The following BEND7 variants were observed in gnomAD, a reference collection of about 807,000 sequenced individuals.
BEND7 encodes the protein BEN domain-containing protein 7.
A neutral mutation model predicts 50.9 loss-of-function variants in BEND7; 28 were observed. The observed-to-expected ratio is 0.55, with a 90% CI of 0.41 to 0.75. The LOEUF (loss-of-function observed/expected upper bound fraction) is 0.75, where lower values mean the gene tolerates loss of function less well. Ranked by LOEUF, BEND7 falls within the 30% of genes least tolerant of loss-of-function variation. The pLI, the probability that BEND7 is intolerant of heterozygous loss-of-function variation, is 0.00. For missense variants in BEND7, 477 were observed against 491.3 expected, an observed-to-expected ratio of 0.97 and a Z score of 0.28; for synonymous variants, 170 against 183.9, an observed-to-expected ratio of 0.92 and a Z score of 0.61.
In BEND7 at chr10:13,523,886, C is replaced by T. The variant is rs116773196; in HGVS notation, c.145+2252G>A. On this transcript the variant is annotated intron_variant, in intron 2 of 8. Transcript: ENST00000466271. The stretch of plus-strand genomic sequence containing the variant: ...TATTTGGGAACCAACTACATGATGA[C>T]CCAAGAATGAGCAAAAGATTGAAAA... 7.3e-3 allele frequency among the ~76,000 whole-genome samples: 1,104 copies of T among 152,248 alleles called. 16 individuals are homozygous for T. Among genetic ancestry groups the T allele is most frequent in the African/African-American group, 0.025 (1,018 of 41,528 alleles).
In BEND7 at chr10:13,528,575, AGCGGCGGCAGC is replaced by A; in HGVS notation, c.-53_-43del. On this transcript the variant is annotated 5_prime_UTR_variant, in exon 1 of 9. Transcript: ENST00000466271. ...CGGCGGGGGCTGAGGAGGCGGCGGC[AGCGGCGGCAGC>A]GGCAGCGGCGGCAGCGGCAGCGGCG... The A allele has an allele frequency of 1.4e-4, 3 of 21,588 alleles. No homozygotes were observed. Among genetic ancestry groups the A allele is most frequent in the Non-Finnish European group, 1.5e-4 (3 of 19,546 alleles). The allele number at this position is 21,588 out of a possible 1,614,324, so 1.3% of individuals were successfully genotyped here.
In BEND7 at chr10:13,445,916, G is replaced by A. The variant is rs533968500; in HGVS notation, c.1234+1350C>T. On this transcript the variant is annotated intron_variant, in intron 8 of 8. Coordinates refer to ENST00000466271, the MANE Select transcript of BEND7 (RefSeq NM_001369863.1). Reference sequence around the variant, plus strand: ...GTGCTCCCCTGAAGGGCCTTCTGAAGGCTAGGTCTATTACGATTAGGATTT... The same window carrying A: ...GTGCTCCCCTGAAGGGCCTTCTGAAAGCTAGGTCTATTACGATTAGGATTT... 7 of 152,350 alleles carry A rather than the reference G, an allele frequency of 4.6e-5. No homozygotes were observed. In the South Asian group the frequency reaches 6.2e-4, roughly 14 times the overall value. The allele number at this position is 152,350 out of a possible 1,614,324, so 9.4% of individuals were successfully genotyped here.
chr10:13,463,261 A>G (rs139883757), intron 6 of BEND7, among the ~76,000 whole-genome samples: 251 of 152,368 alleles, frequency 1.6e-3, no homozygotes, highest in African/African-American at 5.8e-3. Context: ...CAGCCCATTT[A>G]TGGGTTAGAA....
At chr10:13,502,045 A>G (rs1179673670) in intron 2 of BEND7, among the ~76,000 whole-genome samples, 1 of 144,450 alleles carries the variant, frequency 6.9e-6, no homozygotes, top group African/African-American at 2.4e-5. Context: ...TGATCAATAT[A>G]TGTATATATA....
chr10:13,458,597 CAAATCAAGGTTTACATCATGCATGG>C (rs777322753), intron 6 of BEND7, among the ~76,000 whole-genome samples: 5 of 152,194 alleles, frequency 3.3e-5, no homozygotes, highest in African/African-American at 9.7e-5. Flanking sequence ...AACTTGTGAT[CAAATCAAGGTTTACATCATGCATGG>C]AAATCAAGGT....
Position 13,528,643 on chromosome 10 carries a change from C to A in BEND7, c.-110G>T. On this transcript the variant is annotated 5_prime_UTR_variant, in exon 1 of 9. Transcript: ENST00000466271. ...GCTCGTGTCACCGCGGCGGAGCCGCCGGGACCAAGGTCCGCGCCTGGAGTC... is the reference window on the plus strand; with the variant it reads ...GCTCGTGTCACCGCGGCGGAGCCGCAGGGACCAAGGTCCGCGCCTGGAGTC... 1.9e-6 allele frequency: 1 copy of A among 539,474 alleles called. No homozygotes were observed. The highest frequency in any genetic ancestry group is 2.4e-6 in the Non-Finnish European group (1 of 424,664). 33.4% of individuals were successfully genotyped at this position (539,474 alleles called of 1,614,324 possible). A position where few individuals can be genotyped will look rare whatever the true frequency, so the allele number is the denominator to read the frequency against.
intron 6 of BEND7, among the ~76,000 whole-genome samples, chr10:13,476,020 A>G (rs1464952841): frequency 6.6e-6 from 1 of 152,238 alleles, no homozygotes; most frequent in African/African-American, 2.4e-5. Flanking sequence ...GTTACTATCA[A>G]TAAATAAATC....
Position 13,467,482 on chromosome 10 carries a change from C to T in BEND7, c.1063+13417G>A, listed in dbSNP as rs181150502. Among the ~76,000 whole-genome samples, 30 of 152,252 alleles carry T rather than the reference C, an allele frequency of 2.0e-4. 1 individual carries two copies. Among genetic ancestry groups the T allele is most frequent in the Admixed American group, 1.9e-3 (29 of 15,298 alleles). On this transcript the variant is annotated intron_variant, in intron 6 of 8. Coordinates refer to ENST00000466271, the MANE Select transcript of BEND7 (RefSeq NM_001369863.1). ...ATACTACACTTTCCATGTGGCATAC[C>T]GTGGAGGTTTCTCTTTGATATTTAA...
chr10:13,460,629 C>T (rs1000451378), intron 6 of BEND7, among the ~76,000 whole-genome samples: 1 of 152,226 alleles, frequency 6.6e-6, no homozygotes, highest in Admixed American at 6.5e-5. Flanking sequence ...GTGGGCACCA[C>T]TGGCCTTTGT....
At chr10:13,474,593 C>T (rs1171736517) in intron 6 of BEND7, among the ~76,000 whole-genome samples, 5 of 151,870 alleles carry the variant, frequency 3.3e-5, no homozygotes, top group African/African-American at 4.8e-5. Flanking sequence ...CGATACCCGT[C>T]ACCGCTGTTG....
At chr10:13,457,510 T>C (rs1839247913) in intron 6 of BEND7, among the ~76,000 whole-genome samples, 1 of 152,216 alleles carries the variant, frequency 6.6e-6, no homozygotes, top group South Asian at 2.1e-4. Flanking sequence ...GAAAAACACC[T>C]ATACAAATAA....
intron 6 of BEND7, among the ~76,000 whole-genome samples, chr10:13,471,089 C>T (rs7898458): frequency 0.047 from 7,129 of 152,304 alleles, 195 homozygotes; most frequent in Non-Finnish European, 0.065. Flanking sequence ...GTGAGATTTA[C>T]ATCCTCTGTG....
chr10:13,524,213 G>T, intron 2 of BEND7, among the ~76,000 whole-genome samples: 1 of 152,230 alleles, frequency 6.6e-6, no homozygotes, highest in Middle Eastern at 3.2e-3. Context: ...AACAGAAAGT[G>T]CGGGAAAGCC....
chr10:13,520,098 T>C (rs2078982078), intron 2 of BEND7, among the ~76,000 whole-genome samples: 1 of 152,180 alleles, frequency 6.6e-6, no homozygotes. Context: ...GGCCAGGCCA[T>C]GTCCAAATTC....
At chr10:13,524,427 G>A (rs1348385241) in intron 2 of BEND7, among the ~76,000 whole-genome samples, 1 of 152,116 alleles carries the variant, frequency 6.6e-6, no homozygotes, top group Non-Finnish European at 1.5e-5. Context: ...TGGATCACCT[G>A]AGGTCAGGAG....
At chr10:13,469,708 C>G (rs1401514457) in intron 6 of BEND7, among the ~76,000 whole-genome samples, 1 of 152,160 alleles carries the variant, frequency 6.6e-6, no homozygotes, top group Non-Finnish European at 1.5e-5. Flanking sequence ...ATCTCTCGAC[C>G]TCATGATCTG....
intron 6 of BEND7, among the ~76,000 whole-genome samples, chr10:13,464,259 A>G (rs1009412870): frequency 6.6e-6 from 1 of 152,222 alleles, no homozygotes; most frequent in Non-Finnish European, 1.5e-5. Context: ...AGCCAGCCTC[A>G]CTGTCTCTTA....
In BEND7 at chr10:13,520,249, T is replaced by C. The variant is rs547691396; in HGVS notation, c.145+5889A>G. ...TGTTAAATGAGATAAAGTTCGGAAG[T>C]GCCCAGCACACACCGGAGGCAGTAA... On this transcript the variant is annotated intron_variant, in intron 2 of 8. Transcript: ENST00000466271. Among the ~76,000 whole-genome samples, 12 of 152,238 alleles carry C rather than the reference T, an allele frequency of 7.9e-5. No homozygotes were observed. In the South Asian group the frequency reaches 2.1e-3, roughly 26 times the overall value.
intron 2 of BEND7, among the ~76,000 whole-genome samples, chr10:13,509,840 A>C (rs2078153595): frequency 6.6e-6 from 1 of 152,250 alleles, no homozygotes; most frequent in African/African-American, 2.4e-5. Context: ...CTTCATCCTC[A>C]AAGTGACAGG....
Sources: gnomAD v4.1 joint callset for allele counts (sites outside exome capture counted in the v4.1 genomes callset) on GRCh38, gnomAD v4.1.1 for gene constraint, MANE v1.5 for transcripts, NCBI Gene and HGNC (gene_info 2026-07-23, HGNC 2026-07-21) for gene names.